ATXN8OS: variants seen among roughly 807,000 people sequenced by gnomAD.
ATXN8OS encodes ATXN8 opposite strand (non-protein coding).
At chr13:70,108,246 T>C (rs1380145791) in intron 1 of ATXN8OS, 5 of 386,720 alleles carry the variant, frequency 1.3e-5, no homozygotes, top group Non-Finnish European at 1.8e-5. Context: ...CCAGATCTCT[T>C]GGTGCACCTG....
intron 3 of ATXN8OS, among the ~76,000 whole-genome samples, chr13:70,131,990 C>T (rs1390324771): frequency 1.3e-5 from 2 of 152,004 alleles, no homozygotes; most frequent in Admixed American, 1.3e-4. Flanking sequence ...ATATGTGTTC[C>T]AAATAGATAA....
intron 2 of ATXN8OS, among the ~76,000 whole-genome samples, chr13:70,116,619 G>C (rs1888282765): frequency 6.6e-6 from 1 of 152,102 alleles, no homozygotes; most frequent in Non-Finnish European, 1.5e-5. Flanking sequence ...ACAAATATTA[G>C]TTTTTATTCT....
chr13:70,153,301 G>T (rs116591361), intron 4 of ATXN8OS, among the ~76,000 whole-genome samples: 308 of 152,272 alleles, frequency 2.0e-3, no homozygotes, highest in African/African-American at 6.9e-3. Flanking sequence ...CTGTCTGGGT[G>T]CAGTGGCTCA....
At chr13:70,129,592 C>T (rs1399161852) in intron 2 of ATXN8OS, among the ~76,000 whole-genome samples, 2 of 152,012 alleles carry the variant, frequency 1.3e-5, no homozygotes, top group African/African-American at 2.4e-5. Flanking sequence ...TTAAAAAGTC[C>T]TTTACGTGAA....
intron 3 of ATXN8OS, among the ~76,000 whole-genome samples, chr13:70,133,576 G>A (rs1888564840): frequency 6.6e-6 from 1 of 152,102 alleles, no homozygotes; most frequent in Non-Finnish European, 1.5e-5. Context: ...AATTATTTAA[G>A]ATGAGGTCCT....
chr13:70,141,951 T>G (rs1440103830), intron 3 of ATXN8OS, among the ~76,000 whole-genome samples: 1 of 152,148 alleles, frequency 6.6e-6, no homozygotes, highest in Non-Finnish European at 1.5e-5. Flanking sequence ...TGGCAGGGTC[T>G]CGGCTCACTG....
At chr13:70,122,865 T>A (rs1352645926) in intron 2 of ATXN8OS, among the ~76,000 whole-genome samples, 2 of 152,022 alleles carry the variant, frequency 1.3e-5, no homozygotes, top group Non-Finnish European at 2.9e-5. Flanking sequence ...TAGATCTTAC[T>A]CTGAAAGCAA....
intron 4 of ATXN8OS, among the ~76,000 whole-genome samples, chr13:70,166,952 A>G (rs1314138084): frequency 6.6e-6 from 1 of 151,740 alleles, no homozygotes. Flanking sequence ...AATGCAAATC[A>G]AAACCACAAT....
At chr13:70,145,510 A>G (rs1376571254) in intron 3 of ATXN8OS, among the ~76,000 whole-genome samples, 4 of 151,888 alleles carry the variant, frequency 2.6e-5, no homozygotes, top group Non-Finnish European at 5.9e-5. Context: ...ATTTGTTTGT[A>G]TCTTCTTTTA....
intron 4 of ATXN8OS, among the ~76,000 whole-genome samples, chr13:70,156,945 T>G (rs977714587): frequency 6.6e-6 from 1 of 152,158 alleles, no homozygotes; most frequent in African/African-American, 2.4e-5. Flanking sequence ...CCTTTGTGTA[T>G]TACATTTTTC....
intron 4 of ATXN8OS, among the ~76,000 whole-genome samples, chr13:70,156,610 T>C (rs976424448): frequency 7.9e-5 from 12 of 152,142 alleles, no homozygotes; most frequent in Admixed American, 6.6e-4. Flanking sequence ...CGTTACTCTT[T>C]TTTTTGAAAA....
At chr13:70,127,964 A>G (rs1405955112) in intron 2 of ATXN8OS, among the ~76,000 whole-genome samples, 1 of 152,008 alleles carries the variant, frequency 6.6e-6, no homozygotes, top group African/African-American at 2.4e-5. Context: ...GCTTTAAGGT[A>G]CTTTCATTTT....
intron 2 of ATXN8OS, among the ~76,000 whole-genome samples, chr13:70,117,909 C>G (rs2137472814): frequency 6.6e-6 from 1 of 152,134 alleles, no homozygotes; most frequent in Non-Finnish European, 1.5e-5. Context: ...TTGCAACTTT[C>G]AAAGGCATTT....
intron 2 of ATXN8OS, among the ~76,000 whole-genome samples, chr13:70,122,497 T>C (rs1888373875): frequency 6.6e-6 from 1 of 150,894 alleles, no homozygotes; most frequent in South Asian, 2.1e-4. Context: ...CTGTCCTTCT[T>C]AGAGAGAGAT....
intron 4 of ATXN8OS, among the ~76,000 whole-genome samples, chr13:70,153,489 C>T (rs566959848): frequency 6.6e-6 from 1 of 152,094 alleles, no homozygotes; most frequent in Non-Finnish European, 1.5e-5. Context: ...GCAGGAGAAT[C>T]GCATGAACCC....
intron 4 of ATXN8OS, among the ~76,000 whole-genome samples, chr13:70,166,886 A>T (rs9572388): frequency 0.11 from 17,292 of 151,598 alleles, 1,571 homozygotes; most frequent in East Asian, 0.41. Context: ...AAAAGAAGAC[A>T]TTTATGCAGC....
intron 3 of ATXN8OS, among the ~76,000 whole-genome samples, chr13:70,134,234 T>G (rs1386638026): frequency 1.3e-5 from 2 of 152,298 alleles, no homozygotes; most frequent in East Asian, 3.9e-4. Flanking sequence ...GAAGACATAC[T>G]TAGGATTCAA....
chr13:70,116,984 T>C (rs1888288559), intron 2 of ATXN8OS, among the ~76,000 whole-genome samples: 1 of 152,112 alleles, frequency 6.6e-6, no homozygotes, highest in African/African-American at 2.4e-5. Flanking sequence ...TGCAGAATGC[T>C]CACATAAACC....
At chr13:70,107,827 G>A in exon 1 of ATXN8OS, 1 of 700,806 alleles carries the variant, frequency 1.4e-6, no homozygotes, top group East Asian at 2.8e-5. Context: ...CCTAGAGCCA[G>A]AAGACGCTAG....
Sources: gnomAD v4.1 joint callset for allele counts (sites outside exome capture counted in the v4.1 genomes callset) on GRCh38, gnomAD v4.1.1 for gene constraint, MANE v1.5 for transcripts, NCBI Gene and HGNC (gene_info 2026-07-23, HGNC 2026-07-21) for gene names.